Variants in DCAF8L2 observed in about 807,000 individuals in gnomAD.
DCAF8L2 encodes DDB1- and CUL4-associated factor 8-like protein 2.
For synonymous variants in DCAF8L2, 200 were observed against 190.9 expected (o/e 1.05, Z -0.39); for missense variants, 430 against 490.7 (o/e 0.88, Z 1.17).
In DCAF8L2 at chrX:27,712,971, T is replaced by C. The variant is rs770095816; in HGVS notation, c.-142-3117T>C. ...TCAGAAAATATGTGTAAGGAGTCTG[T>C]CTTGAATTAATTAACAGTGAAATCC... On this transcript the variant is annotated intron_variant, in intron 3 of 4. Coordinates refer to ENST00000451261, the MANE Select transcript of DCAF8L2 (RefSeq NM_001353450.2). 1.8e-4 allele frequency among the ~76,000 whole-genome samples: 20 copies of C among 111,720 alleles called. No individual in the cohort carries two copies. The South Asian group carries it at 7.0e-3, about 39-fold the overall frequency.
chrX:27,573,131 G>C, the DCAF8L2 span, among the ~76,000 whole-genome samples: 1 of 110,553 alleles, frequency 9.0e-6, no homozygotes. Context: ...CACAAGTCAC[G>C]AGTACAAGAT....
At position 27,732,581 on chromosome X, in the gene DCAF8L2, ATATATATAAACACATATATACACTC is replaced by A. The variant is rs1481131101; in HGVS notation, c.-58-14253_-58-14229del. ...CATAGCAGAAAATATGTGTATATGT[ATATATATAAACACATATATACACTC>A]TATCAAAATTTCTTTAAGCATTCAT... is the stretch of plus-strand genomic sequence containing the variant. On this transcript the variant is annotated intron_variant, in intron 4 of 4. Transcript: ENST00000451261. Among the ~76,000 whole-genome samples, 4 of 110,397 alleles carry A rather than the reference ATATATATAAACACATATATACACTC, an allele frequency of 3.6e-5. No individual in the cohort carries two copies. In the Admixed American group the frequency reaches 3.9e-4, roughly 11 times the overall value.
At chrX:27,502,336 ATATATATATATATATATATATAT>A in the DCAF8L2 span, among the ~76,000 whole-genome samples, 3 of 10,904 alleles carry the variant, frequency 2.8e-4, no homozygotes. Context: ...AAAAAAAAAA[ATATATATATATATATATATATAT>A]ATATATATAT....
chrX:27,481,806 C>T, the DCAF8L2 span, among the ~76,000 whole-genome samples: 1 of 111,759 alleles, frequency 8.9e-6, no homozygotes, highest in Non-Finnish European at 1.9e-5. Context: ...ATTTGGATGT[C>T]TTCAGAAAAA....
At chrX:27,728,718 C>T (rs778578124) in intron 4 of DCAF8L2, among the ~76,000 whole-genome samples, 1 of 112,173 alleles carries the variant, frequency 8.9e-6, no homozygotes, top group East Asian at 2.8e-4. Context: ...GGTATATCTC[C>T]ATGTGCCTTC....
the DCAF8L2 span, among the ~76,000 whole-genome samples, chrX:27,572,901 C>T: frequency 9.0e-6 from 1 of 111,156 alleles, no homozygotes; most frequent in African/African-American, 3.3e-5. Context: ...TTACATACTG[C>T]GTTATTTCTA....
the DCAF8L2 span, among the ~76,000 whole-genome samples, chrX:27,583,611 G>A: frequency 9.0e-6 from 1 of 111,489 alleles, no homozygotes; most frequent in Non-Finnish European, 1.9e-5. Context: ...GGCTGCACCT[G>A]CACAGCAGGA....
intron 1 of DCAF8L2, among the ~76,000 whole-genome samples, chrX:27,630,412 G>T (rs1261471571): frequency 9.0e-6 from 1 of 111,422 alleles, no homozygotes; most frequent in Non-Finnish European, 1.9e-5. Context: ...CTGACCAGAT[G>T]GCTTTACTGG....
chrX:27,579,011 A>G, the DCAF8L2 span, among the ~76,000 whole-genome samples: 1 of 111,804 alleles, frequency 8.9e-6, no homozygotes, highest in Non-Finnish European at 1.9e-5. Context: ...TTCCTCAATG[A>G]CCTAGAACCA....
Position 27,654,399 on chromosome X carries a change from TAGAG to T in DCAF8L2, c.-220+22402_-220+22405del, listed in dbSNP as rs1432428687. On this transcript the variant is annotated intron_variant, in intron 2 of 4. Transcript: ENST00000451261. ...AAAACATGTAACTCATTTTTATAGA[TAGAG>T]AGGAATCAAATAACTATATAATCTT... 1.2e-4 allele frequency among the ~76,000 whole-genome samples: 13 copies of T among 112,415 alleles called. No homozygotes were observed. In the East Asian group the frequency reaches 3.3e-3, roughly 29 times the overall value.
intron 3 of DCAF8L2, among the ~76,000 whole-genome samples, chrX:27,681,204 T>TAC (rs750698716): frequency 0.083 from 8,813 of 106,657 alleles, 530 homozygotes; most frequent in African/African-American, 0.21. Flanking sequence ...AGAAATTAAA[T>TAC]ACACACACAC....
chrX:27,486,453 A>G, the DCAF8L2 span, among the ~76,000 whole-genome samples: 1 of 112,131 alleles, frequency 8.9e-6, no homozygotes, highest in Non-Finnish European at 1.9e-5. Flanking sequence ...TTTCATTTTA[A>G]GTTTCTTCAT....
the DCAF8L2 span, among the ~76,000 whole-genome samples, chrX:27,515,547 A>G: frequency 2.7e-5 from 3 of 111,983 alleles, no homozygotes; most frequent in African/African-American, 9.7e-5. Context: ...CTCAGTCTCA[A>G]AGAAACAAAC....
At chrX:27,519,365 CA>C in the DCAF8L2 span, 1 of 1,153,780 alleles carries the variant, frequency 8.7e-7, no homozygotes, top group African/African-American at 1.8e-5. Flanking sequence ...TCTGCCGTAG[CA>C]AAACAAGCTG....
chrX:27,707,959 A>G (rs776569824), intron 3 of DCAF8L2, among the ~76,000 whole-genome samples: 10 of 111,345 alleles, frequency 9.0e-5, no homozygotes, highest in Non-Finnish European at 1.9e-4. Context: ...ATCTTTTAGT[A>G]TGTGTTTTCT....
chrX:27,564,137 A>G, the DCAF8L2 span, among the ~76,000 whole-genome samples: 1 of 111,968 alleles, frequency 8.9e-6, no homozygotes, highest in South Asian at 3.7e-4. Context: ...TGGGAAACCT[A>G]CAATCATGGC....
intron 2 of DCAF8L2, among the ~76,000 whole-genome samples, chrX:27,643,863 T>A (rs2147190318): frequency 8.9e-6 from 1 of 111,870 alleles, no homozygotes; most frequent in Non-Finnish European, 1.9e-5. Context: ...AGGACATCTC[T>A]ACCTACTTGG....
At chrX:27,690,216 TAAA>T (rs1201245032) in intron 3 of DCAF8L2, among the ~76,000 whole-genome samples, 1 of 111,383 alleles carries the variant, frequency 9.0e-6, no homozygotes, top group Non-Finnish European at 1.9e-5. Context: ...TTTTAAATAA[TAAA>T]AGAAGATAAA....
At chrX:27,516,497 C>T in the DCAF8L2 span, among the ~76,000 whole-genome samples, 3 of 106,973 alleles carry the variant, frequency 2.8e-5, no homozygotes, top group African/African-American at 1.1e-4. Flanking sequence ...AACACACACA[C>T]ATACTCTCTC....
Sources: allele counts gnomAD v4.1 joint callset (sites outside exome capture counted in the v4.1 genomes callset), GRCh38; gene constraint gnomAD v4.1.1; transcripts MANE v1.5; gene names NCBI Gene and HGNC (gene_info 2026-07-23, HGNC 2026-07-21).